RHOBTB1: variants seen among roughly 807,000 people sequenced by gnomAD.
The protein encoded by RHOBTB1 is Rho related BTB domain containing 1, also known as rho-related BTB domain-containing protein 1.
In RHOBTB1, 40 loss-of-function variants were observed where a neutral mutation model predicts 71.6. The observed-to-expected ratio is 0.56, with a 90% CI of 0.43 to 0.73. The LOEUF is 0.73. Among genes scored for constraint, RHOBTB1 ranks in the 30% least tolerant of loss-of-function variants. RHOBTB1 has a pLI of 0.00. For synonymous variants in RHOBTB1, 319 were observed against 334.9 expected, an observed-to-expected ratio of 0.95 and a Z score of 0.52; for missense variants, 797 against 894.0, an observed-to-expected ratio of 0.89 and a Z score of 1.38.
At chr10:61,001,608 G>A (rs2087279428), upstream of RHOBTB1, among the ~76,000 whole-genome samples, 2 of 151,724 alleles carry the variant, frequency 1.3e-5, no homozygotes, top group Non-Finnish European at 2.9e-5. Flanking sequence ...GCCGCCCTGC[G>A]GGGCGGGGAC....
At chr10:60,894,258 T>C (rs1175411284) in intron 4 of RHOBTB1, among the ~76,000 whole-genome samples, 5 of 152,192 alleles carry the variant, frequency 3.3e-5, no homozygotes, top group African/African-American at 9.6e-5. Context: ...TTTAAATTTA[T>C]ATCCAAGAAA....
At chr10:60,871,752 G>T (rs2080798016) in intron 10 of RHOBTB1, 101 bp from the exon 11 acceptor site, 2 of 1,124,732 alleles carry the variant, frequency 1.8e-6, no homozygotes, top group African/African-American at 1.6e-5. Context: ...TCTCAAAAAC[G>T]TGATGCGGCA....
At chr10:60,881,694 T>C (rs558027355) in intron 7 of RHOBTB1, among the ~76,000 whole-genome samples, 1 of 152,326 alleles carries the variant, frequency 6.6e-6, no homozygotes, top group East Asian at 1.9e-4. Context: ...GTTTTGAAAA[T>C]CTTCAGATTA....
intron 5 of RHOBTB1, among the ~76,000 whole-genome samples, chr10:60,892,300 G>C (rs1312579230): frequency 6.6e-6 from 1 of 152,086 alleles, no homozygotes; most frequent in Non-Finnish European, 1.5e-5. Context: ...GCAACTATAG[G>C]TCCGAATGAT....
intron 7 of RHOBTB1, among the ~76,000 whole-genome samples, chr10:60,880,089 A>T (rs1316807251): frequency 6.6e-6 from 1 of 151,920 alleles, no homozygotes; most frequent in African/African-American, 2.4e-5. Context: ...ATGCCATTTT[A>T]TATGAGGAAT....
chr10:60,987,634 TC>T (rs2086710786), intron 1 of RHOBTB1, among the ~76,000 whole-genome samples: 1 of 152,158 alleles, frequency 6.6e-6, no homozygotes. Context: ...TCCCATCATT[TC>T]CCAGGTTTCC....
Position 60,883,640 on chromosome 10 carries a change from G to T in RHOBTB1, c.1575+2472C>A, listed in dbSNP as rs569037052. On this transcript the variant is annotated intron_variant, in intron 7 of 10. Coordinates refer to ENST00000337910, the MANE Select transcript of RHOBTB1 (RefSeq NM_014836.5). ...GTCAGTCAAATACCAACTGGATGAG[G>T]TTTTACAAATTGGTGGCTACCCTAG... 3.3e-5 allele frequency among the ~76,000 whole-genome samples: 5 copies of T among 152,276 alleles called. No homozygotes were observed. The South Asian group carries it at 1.0e-3, about 32-fold the overall frequency.
At chr10:60,876,359 T>C (rs78522623) in intron 8 of RHOBTB1, among the ~76,000 whole-genome samples, 1 of 152,152 alleles carries the variant, frequency 6.6e-6, no homozygotes, top group Non-Finnish European at 1.5e-5. Flanking sequence ...TAAGTGTTCA[T>C]AGAAGTCTAG....
chr10:60,864,916 C>T (rs1375224569), downstream of RHOBTB1, among the ~76,000 whole-genome samples: 1 of 152,200 alleles, frequency 6.6e-6, no homozygotes, highest in Non-Finnish European at 1.5e-5. Context: ...GTCTTGACCT[C>T]CTGGCCTCAA....
chr10:60,934,584 G>C (rs567477804), intron 2 of RHOBTB1, among the ~76,000 whole-genome samples: 87 of 152,318 alleles, frequency 5.7e-4, no homozygotes, highest in Non-Finnish European at 1.1e-3. Context: ...AAGAATATTA[G>C]AATCTGATAT....
chr10:60,999,109 G>C (rs531427499), intron 1 of RHOBTB1, among the ~76,000 whole-genome samples: 2 of 152,286 alleles, frequency 1.3e-5, no homozygotes, highest in South Asian at 4.1e-4. Flanking sequence ...ACTTTCACCT[G>C]TACCAACTTG....
chr10:60,881,795 C>T (rs975879123), intron 7 of RHOBTB1, among the ~76,000 whole-genome samples: 2 of 152,056 alleles, frequency 1.3e-5, no homozygotes, highest in African/African-American at 4.8e-5. Flanking sequence ...AAACTATTTC[C>T]GGCTGCAGCA....
intron 4 of RHOBTB1, among the ~76,000 whole-genome samples, chr10:60,907,100 C>T (rs1009744861): frequency 3.3e-5 from 5 of 152,216 alleles, no homozygotes; most frequent in Non-Finnish European, 5.9e-5. Context: ...GACTTTGCTC[C>T]TCCTTTGCCT....
chr10:60,960,321 G>T (rs760592921), intron 2 of RHOBTB1, among the ~76,000 whole-genome samples: 3 of 152,092 alleles, frequency 2.0e-5, no homozygotes, highest in Non-Finnish European at 2.9e-5. Context: ...ACCCCCTATT[G>T]ATTATGCTGG....
chr10:60,941,037 T>C (rs1274788292), intron 2 of RHOBTB1, among the ~76,000 whole-genome samples: 1 of 152,202 alleles, frequency 6.6e-6, no homozygotes, highest in Non-Finnish European at 1.5e-5. Flanking sequence ...ACTTACAATT[T>C]CACTAATTTA....
At chr10:60,973,794 T>TTTGGGG in intron 2 of RHOBTB1, among the ~76,000 whole-genome samples, 1 of 151,992 alleles carries the variant, frequency 6.6e-6, no homozygotes, top group East Asian at 1.9e-4. Flanking sequence ...GGGGCTGACT[T>TTTGGGG]GAGTTATATG....
chr10:60,886,392 C>T (rs2081577567), intron 6 of RHOBTB1, among the ~76,000 whole-genome samples, 162 bp from the exon 7 acceptor site: 2 of 152,034 alleles, frequency 1.3e-5, no homozygotes, highest in Admixed American at 1.3e-4. Flanking sequence ...TTTGACACAC[C>T]CAGCTCCCAC....
At chr10:60,979,731 CA>C (rs2086431360) in intron 2 of RHOBTB1, among the ~76,000 whole-genome samples, 1 of 152,030 alleles carries the variant, frequency 6.6e-6, no homozygotes, top group South Asian at 2.1e-4. Context: ...TGGCAAGTAT[CA>C]AAGAGAGAAA....
chr10:60,878,216 CT>C (rs2081137808), intron 7 of RHOBTB1, among the ~76,000 whole-genome samples, 158 bp from the exon 8 acceptor site: 2 of 152,266 alleles, frequency 1.3e-5, no homozygotes, highest in South Asian at 4.1e-4. Flanking sequence ...GTATTTATGA[CT>C]TTAAACATAA....
Sources: gnomAD v4.1 joint callset for allele counts (sites outside exome capture counted in the v4.1 genomes callset) on GRCh38, gnomAD v4.1.1 for gene constraint, MANE v1.5 for transcripts, NCBI Gene and HGNC (gene_info 2026-07-23, HGNC 2026-07-21) for gene names.